Variants in GOLIM4 observed in about 807,000 individuals in gnomAD.
The protein encoded by GOLIM4 is 130 kDa golgi-localized phosphoprotein.
In GOLIM4, 71 loss-of-function variants were observed where a neutral mutation model predicts 107.4. The observed-to-expected ratio is 0.66, with a 90% CI of 0.55 to 0.81. GOLIM4 has a LOEUF of 0.81. Ranked by LOEUF, GOLIM4 falls within the 30% of genes least tolerant of loss-of-function variation. The probability of loss-of-function intolerance (pLI) is 0.00; values close to 1 mark genes in which losing one functional copy is unlikely to be tolerated. For synonymous variants in GOLIM4, 327 were observed against 294.8 expected (o/e 1.11, Z -1.12); for missense variants, 830 against 826.1 (o/e 1.00, Z -0.06).
Position 168,095,490 on chromosome 3 carries a change from C to A in GOLIM4, c.-205G>T. 2 of 524,618 alleles carry A rather than the reference C, an allele frequency of 3.8e-6. No homozygotes were observed. The highest frequency in any genetic ancestry group is 4.9e-5 in the South Asian group (2 of 41,160). The allele number at this position is 524,618 out of a possible 1,614,324, so 32.5% of individuals were successfully genotyped here. On this transcript the variant is annotated 5_prime_UTR_variant, in exon 1 of 16. Coordinates refer to ENST00000470487, the MANE Select transcript of GOLIM4 (RefSeq NM_014498.5). ...CGCGCAGCCATCGACGCCGCCCGGG[C>A]AGCTGCAGCCAAACTTCTGCGAGGC...
rs905377154 is a variant in GOLIM4 at position 168,053,374 on chromosome 3, C to T, written c.188-5009G>A. On this transcript the variant is annotated intron_variant, in intron 1 of 15. Transcript: ENST00000470487. The stretch of plus-strand genomic sequence containing the variant: ...GCCTGTGAAATTTTGTTTTTGGTCC[C>T]GACTATAACATAATGTTTTATTTTT... Among the ~76,000 whole-genome samples the T allele has an allele frequency of 9.2e-5, 14 of 152,094 alleles. No individual in the cohort carries two copies. In the East Asian group the frequency reaches 1.9e-3, roughly 21 times the overall value.
intron 1 of GOLIM4, among the ~76,000 whole-genome samples, chr3:168,061,139 G>C (rs1360029776): frequency 7.2e-6 from 1 of 138,534 alleles, no homozygotes; most frequent in Non-Finnish European, 1.5e-5. Flanking sequence ...CAAGATTTTA[G>C]AGAAGCAAAA....
At chr3:168,020,768 A>G (rs1309509321) in intron 14 of GOLIM4, among the ~76,000 whole-genome samples, 2 of 152,256 alleles carry the variant, frequency 1.3e-5, no homozygotes, top group African/African-American at 4.8e-5. Context: ...TTCTAGTAAT[A>G]TATTACTGAT....
chr3:168,052,552 G>T (rs1719714837), intron 1 of GOLIM4, among the ~76,000 whole-genome samples: 1 of 152,044 alleles, frequency 6.6e-6, no homozygotes, highest in Non-Finnish European at 1.5e-5. Flanking sequence ...TTAAGTTTTT[G>T]AAAATAAAAA....
Position 168,045,471 on chromosome 3 carries a change from G to C in GOLIM4, c.313-590C>G, listed in dbSNP as rs182136745. On this transcript the variant is annotated intron_variant, in intron 3 of 15. Transcript: ENST00000470487. ...AATATTTCATTAAGTAGCAGAGCCA[G>C]GATTGAAACTTGAGCCTAAGTCTCT... Among the ~76,000 whole-genome samples the C allele has an allele frequency of 1.4e-3, 215 of 152,290 alleles. 1 individual carries two copies. The highest frequency in any genetic ancestry group is 5.1e-3 in the African/African-American group (213 of 41,558).
chr3:168,032,879 A>T (rs1311257685), intron 8 of GOLIM4, 27 bp from the exon 9 acceptor site: 3 of 1,507,908 alleles, frequency 2.0e-6, no homozygotes, highest in Non-Finnish European at 2.7e-6. Context: ...ACTGGGAATG[A>T]CACTCTTCCA....
rs140959669 is a variant in GOLIM4, at chr3:168,029,801, G to A, written c.1412C>T (p.Pro471Leu). The change falls in exon 10 of 16, where the codon CCG becomes CTG. Residue 471 changes from proline to leucine, a missense_variant. By Grantham distance (98) the Pro-to-Leu change is moderately conservative (BLOSUM62 -3). Transcript: ENST00000470487. ...CTACCGGAGCTGCTCCTGGTGCTGC[G>A]GCCGGCCCTCCTCAAGCTCAGCCTG... ...QRQAELEEGR[P>L]QHQEQLRQQA... 865 of 1,613,744 alleles carry A rather than the reference G, an allele frequency of 5.4e-4. No homozygotes were observed. The highest frequency in any genetic ancestry group is 6.6e-4 in the Non-Finnish European group (776 of 1,179,992).
At chr3:168,011,246 G>C (rs9869340) in intron 14 of GOLIM4, among the ~76,000 whole-genome samples, 1 of 149,220 alleles carries the variant, frequency 6.7e-6, no homozygotes, top group Non-Finnish European at 1.5e-5. Flanking sequence ...TCAAAGGGTC[G>C]GGGAGTTCCC....
chr3:168,064,271 C>T (rs1477663986), intron 1 of GOLIM4, among the ~76,000 whole-genome samples: 1 of 152,198 alleles, frequency 6.6e-6, no homozygotes, highest in Non-Finnish European at 1.5e-5. Flanking sequence ...ATGAGAAATT[C>T]AGCTTCTTTA....
Position 168,010,235 on chromosome 3 carries a change from C to T in GOLIM4, c.*34G>A, listed in dbSNP as rs777287939. The T allele has an allele frequency of 3.8e-6, 6 of 1,587,866 alleles. No individual in the cohort carries two copies. Among genetic ancestry groups the T allele is most frequent in the East Asian group, 2.2e-5 (1 of 44,478 alleles). ...ATGTTTGAGCAGCTTGAAAAGAATC[C>T]GTTGGCTGAGCGTTGTCTAGAAATT... On this transcript the variant is annotated 3_prime_UTR_variant, in exon 16 of 16. Transcript: ENST00000470487.
At chr3:168,077,381 C>T (rs188464005) in intron 1 of GOLIM4, among the ~76,000 whole-genome samples, 1 of 152,274 alleles carries the variant, frequency 6.6e-6, no homozygotes, top group Non-Finnish European at 1.5e-5. Context: ...CTATGACCCA[C>T]CATCTGAAGA....
intron 2 of GOLIM4, among the ~76,000 whole-genome samples, chr3:168,047,997 C>T (rs146139847): frequency 6.8e-4 from 100 of 146,444 alleles, no homozygotes; most frequent in African/African-American, 2.1e-3. Flanking sequence ...AAGTAATATA[C>T]CCGTTTAATA....
intron 1 of GOLIM4, among the ~76,000 whole-genome samples, chr3:168,080,170 G>A (rs1392522614): frequency 6.6e-6 from 1 of 152,158 alleles, no homozygotes; most frequent in Non-Finnish European, 1.5e-5. Context: ...TAGAGCTGCG[G>A]AGATCTTCTG....
At chr3:168,055,248 T>C (rs954564770) in intron 1 of GOLIM4, among the ~76,000 whole-genome samples, 1 of 152,108 alleles carries the variant, frequency 6.6e-6, no homozygotes, top group Non-Finnish European at 1.5e-5. Flanking sequence ...GTGGGACAGT[T>C]TGGAACTCCC....
chr3:168,091,808 G>A lies in GOLIM4; in HGVS notation c.187+3291C>T, dbSNP rs550688173. On this transcript the variant is annotated intron_variant, in intron 1 of 15. Transcript: ENST00000470487. Reference sequence around the variant, plus strand: ...TCTCCACTTTATAAATAAGAAAAACGTCAAGGTTCACACAAAAGGTTGTAG... The same window carrying A: ...TCTCCACTTTATAAATAAGAAAAACATCAAGGTTCACACAAAAGGTTGTAG... Among the ~76,000 whole-genome samples, 16 of 152,178 alleles carry A rather than the reference G, an allele frequency of 1.1e-4. No homozygotes were observed. In the South Asian group the frequency reaches 3.1e-3, roughly 30 times the overall value.
At position 168,010,796 on chromosome 3, in the gene GOLIM4, T is replaced by A; in HGVS notation, c.1888A>T (p.Lys630Ter). The A allele has an allele frequency of 6.2e-7, 1 of 1,612,260 alleles. No individual in the cohort carries two copies. Among genetic ancestry groups the A allele is most frequent in the Non-Finnish European group, 8.5e-7 (1 of 1,178,816 alleles). ...EVQEDLTEEK[K>*]RELEHNAEET... Reference sequence around the variant, plus strand: ...TCAGCATTATGCTCCAGTTCCCTTTTTTTCTCTTCAGTCAAATCTTCCTGA... The same window carrying A: ...TCAGCATTATGCTCCAGTTCCCTTTATTTCTCTTCAGTCAAATCTTCCTGA... The change falls in exon 15 of 16, where the codon AAA (lysine) becomes TAA (stop). Residue 630 changes from lysine to a stop codon, truncating the protein, a stop_gained. Coordinates refer to ENST00000470487, the MANE Select transcript of GOLIM4 (RefSeq NM_014498.5). LOFTEE classifies it high-confidence loss of function.
At chr3:168,081,629 G>A (rs1721371463) in intron 1 of GOLIM4, among the ~76,000 whole-genome samples, 1 of 152,128 alleles carries the variant, frequency 6.6e-6, no homozygotes, top group Non-Finnish European at 1.5e-5. Flanking sequence ...AATCCCACAT[G>A]TGTCACTGTC....
chr3:168,041,529 T>A (rs1719002928), intron 5 of GOLIM4, 55 bp from the exon 6 acceptor site: 3 of 821,740 alleles, frequency 3.7e-6, no homozygotes, highest in Admixed American at 4.2e-5. Context: ...CAGGATTCTG[T>A]TTCTATTATT....
chr3:168,027,112 G>T (rs1718032742), intron 12 of GOLIM4, among the ~76,000 whole-genome samples: 1 of 151,542 alleles, frequency 6.6e-6, no homozygotes, highest in Admixed American at 6.5e-5. Context: ...TGAACTAGAG[G>T]TCTCAGTCTT....
Sources: gnomAD v4.1 joint callset for allele counts (sites outside exome capture counted in the v4.1 genomes callset) on GRCh38, gnomAD v4.1.1 for gene constraint, MANE v1.5 for transcripts, NCBI Gene and HGNC (gene_info 2026-07-23, HGNC 2026-07-21) for gene names.